Variants in CREB3L1 observed in about 807,000 individuals in gnomAD.
CREB3L1 encodes the protein cyclic AMP-responsive element-binding protein 3-like protein 1.
In CREB3L1, 33 loss-of-function variants were observed where a neutral mutation model predicts 54.5. The observed-to-expected ratio is 0.61, with a 90% CI of 0.46 to 0.81. The LOEUF is 0.81. Ranked by LOEUF, CREB3L1 falls within the 30% of genes least tolerant of loss-of-function variation. The pLI, the probability that CREB3L1 is intolerant of heterozygous loss-of-function variation, is 0.00. For missense variants in CREB3L1, 656 were observed against 673.3 expected (o/e 0.97, Z 0.29); for synonymous variants, 284 against 286.4 (o/e 0.99, Z 0.08).
chr11:46,277,942 G>T lies in CREB3L1; in HGVS notation c.-170G>T, dbSNP rs1405092897. The T allele has an allele frequency of 7.5e-6, 3 of 401,130 alleles. No homozygotes were observed. In the Admixed American group the frequency reaches 1.4e-4, roughly 18 times the overall value. The allele number at this position is 401,130 out of a possible 1,614,324, so 24.8% of individuals were successfully genotyped here. On this transcript the variant is annotated 5_prime_UTR_variant, in exon 1 of 12. Coordinates refer to ENST00000621158, the MANE Select transcript of CREB3L1 (RefSeq NM_052854.4). ...CTGCCCTAAGGCCCCCGCGCGCCCCGCGCCCCCCACCCGGGGCCGCGCCGC... is the reference window on the plus strand; with the variant it reads ...CTGCCCTAAGGCCCCCGCGCGCCCCTCGCCCCCCACCCGGGGCCGCGCCGC...
intron 1 of CREB3L1, among the ~76,000 whole-genome samples, chr11:46,280,190 G>GTTTTTT (rs1267979153): frequency 2.1e-5 from 2 of 93,706 alleles, no homozygotes. Context: ...TTTGTTTTTT[G>GTTTTTT]TTTTTTGTTT....
chr11:46,321,131 T>C lies in CREB3L1; in HGVS notation c.*385T>C. Reference sequence around the variant, plus strand: ...CTGTACAGAGACCAAGAACAGAAATTGTTTGTAAATAATGAACCTTATTTT... The same window carrying C: ...CTGTACAGAGACCAAGAACAGAAATCGTTTGTAAATAATGAACCTTATTTT... On this transcript the variant is annotated 3_prime_UTR_variant, in exon 12 of 12. Coordinates refer to ENST00000621158, the MANE Select transcript of CREB3L1 (RefSeq NM_052854.4). 1 of 434,242 alleles carries C rather than the reference T, an allele frequency of 2.3e-6. No individual in the cohort carries two copies. Among genetic ancestry groups the C allele is most frequent in the South Asian group, 2.9e-5 (1 of 34,724 alleles). The allele number at this position is 434,242 out of a possible 1,614,324, so 26.9% of individuals were successfully genotyped here.
chr11:46,311,089 G>C lies in CREB3L1; in HGVS notation c.653G>C (p.Gly218Ala). 1 of 1,609,386 alleles carries C rather than the reference G, an allele frequency of 6.2e-7. No individual in the cohort carries two copies. Among genetic ancestry groups the C allele is most frequent in the Non-Finnish European group, 8.5e-7 (1 of 1,178,916 alleles). ...AGCAGCCATGGCAGTGACAGCGACG[G>C]CTCCCAGAGTCCCCGCTCTCTGCCC... Reference protein sequence around the residue: ...PPSSHGSDSDGSQSPRSLPPS... With the variant: ...PPSSHGSDSDASQSPRSLPPS... Residue 218 changes from glycine to alanine, a missense_variant, in exon 5 of 12, where the codon GGC (glycine) becomes GCC (alanine). Around this residue, in one of 3 missense-constraint regions of CREB3L1, gnomAD observed 339 missense variants for 331.5 expected, o/e 1.02. Transcript: ENST00000621158.
intron 1 of CREB3L1, among the ~76,000 whole-genome samples, chr11:46,293,521 T>C (rs912194164): frequency 6.6e-6 from 1 of 152,184 alleles, no homozygotes; most frequent in Non-Finnish European, 1.5e-5. Context: ...CTGCAGAGAA[T>C]ACACACCCTC....
intron 5 of CREB3L1, among the ~76,000 whole-genome samples, chr11:46,311,734 G>C (rs1464372386): frequency 6.6e-6 from 1 of 152,118 alleles, no homozygotes; most frequent in Non-Finnish European, 1.5e-5. Context: ...TTGACCTCTT[G>C]ATCTGCCCAC....
At chr11:46,302,112 G>A (rs1426705671) in intron 2 of CREB3L1, among the ~76,000 whole-genome samples, 1 of 151,052 alleles carries the variant, frequency 6.6e-6, no homozygotes, top group African/African-American at 2.4e-5. Context: ...AGCTTGCAGT[G>A]AGCTGAGATT....
intron 5 of CREB3L1, among the ~76,000 whole-genome samples, chr11:46,312,015 G>A (rs991768388): frequency 2.6e-5 from 4 of 152,158 alleles, no homozygotes; most frequent in Admixed American, 6.5e-5. Flanking sequence ...AAGATTGTAG[G>A]GAGGGGTCTG....
intron 1 of CREB3L1, among the ~76,000 whole-genome samples, chr11:46,292,541 G>C (rs1265678061): frequency 6.6e-6 from 1 of 152,196 alleles, no homozygotes; most frequent in Non-Finnish European, 1.5e-5. Flanking sequence ...TCTATCCTAA[G>C]GGTAGTAGGG....
At chr11:46,282,672 T>C (rs1248240242) in intron 1 of CREB3L1, among the ~76,000 whole-genome samples, 1 of 152,214 alleles carries the variant, frequency 6.6e-6, no homozygotes, top group Non-Finnish European at 1.5e-5. Flanking sequence ...ACCCCCCTGT[T>C]CTTTTCTGTT....
At chr11:46,284,843 G>C (rs1381914348) in intron 1 of CREB3L1, among the ~76,000 whole-genome samples, 1 of 152,156 alleles carries the variant, frequency 6.6e-6, no homozygotes, top group Non-Finnish European at 1.5e-5. Context: ...CCCCTCTAGA[G>C]CAAGGAAAAT....
rs562881447 is a variant in CREB3L1, at chr11:46,298,623, C to T, written c.103-1312C>T. Among the ~76,000 whole-genome samples, 21 of 152,202 alleles carry T rather than the reference C, an allele frequency of 1.4e-4. No individual in the cohort carries two copies. The South Asian group carries it at 3.9e-3, about 29-fold the overall frequency. ...CTGAGGCATGCAAATCACTTGAACC[C>T]GGGAGATGGAGGTTGCAGTGAGCCA... On this transcript the variant is annotated intron_variant, in intron 1 of 11. Coordinates refer to ENST00000621158, the MANE Select transcript of CREB3L1 (RefSeq NM_052854.4).
At position 46,279,296 on chromosome 11, in the gene CREB3L1, G is replaced by T. The variant is rs141466819; in HGVS notation, c.102+1083G>T. Among the ~76,000 whole-genome samples, 20 of 152,192 alleles carry T rather than the reference G, an allele frequency of 1.3e-4. No homozygotes were observed. The East Asian group carries it at 3.9e-3, about 29-fold the overall frequency. On this transcript the variant is annotated intron_variant, in intron 1 of 11. Coordinates refer to ENST00000621158, the MANE Select transcript of CREB3L1 (RefSeq NM_052854.4). ...AGTCCTTAGAGGACTTGAGCATCTT[G>T]GACTTCCACCTAAACTGTCCCAGGC...
At chr11:46,294,821 C>A (rs1419458017) in intron 1 of CREB3L1, among the ~76,000 whole-genome samples, 1 of 151,732 alleles carries the variant, frequency 6.6e-6, no homozygotes, top group African/African-American at 2.4e-5. Flanking sequence ...AAGTAACCGT[C>A]CGGGAATGCA....
rs913681427 is a variant in CREB3L1, at chr11:46,278,558, G to A, written c.102+345G>A. ...CCAGGACCAGACTGGGCGCAAAGTG[G>A]CAGCGCCCTTTCCTGCGCCTCCCTT... On this transcript the variant is annotated intron_variant, in intron 1 of 11. Coordinates refer to ENST00000621158, the MANE Select transcript of CREB3L1 (RefSeq NM_052854.4). This position sits in a 1 kb window ranked among gnomAD's most constrained non-coding sequence, Gnocchi z 4.2. Among the ~76,000 whole-genome samples the A allele has an allele frequency of 1.3e-5, 2 of 152,250 alleles. No individual in the cohort carries two copies. The highest frequency in any genetic ancestry group is 1.5e-5 in the Non-Finnish European group (1 of 68,040).
intron 1 of CREB3L1, among the ~76,000 whole-genome samples, chr11:46,280,043 C>T (rs1202625042): frequency 6.6e-6 from 1 of 151,926 alleles, no homozygotes; most frequent in East Asian, 1.9e-4. Context: ...GGAGAGGCAG[C>T]GGGAGAAGAT....
chr11:46,278,205 A>G lies in CREB3L1; in HGVS notation c.94A>G (p.Asn32Asp). The G allele has an allele frequency of 6.4e-7, 1 of 1,564,248 alleles. No homozygotes were observed. The highest frequency in any genetic ancestry group is 8.7e-7 in the Non-Finnish European group (1 of 1,153,598). The change falls in exon 1 of 12, where the codon AAC becomes GAC. Residue 32 changes from asparagine (N) to aspartate (D), a missense_variant. Physicochemically the swap from Asn to Asp is conservative, Grantham distance 23. Transcript: ENST00000621158. The surrounding 1 kb of genome is among the most constrained non-coding windows in gnomAD (Gnocchi z 4.2). Reference sequence around the variant, plus strand: ...GGATCTGAACGAGTCGGACTTCCTCAACAATGCGGTAAGATGAAGGGTCTC... The same window carrying G: ...GGATCTGAACGAGTCGGACTTCCTCGACAATGCGGTAAGATGAAGGGTCTC... ...LGDLNESDFLNNAHFPEHLDH... is the reference protein window; with the variant it reads ...LGDLNESDFLDNAHFPEHLDH...
intron 8 of CREB3L1, 110 bp downstream of exon 8, chr11:46,313,029 T>C: frequency 2.5e-6 from 2 of 794,186 alleles, no homozygotes; most frequent in Non-Finnish European, 4.0e-6. Flanking sequence ...AAGTTTAGGA[T>C]GACAGGGACC....
At chr11:46,284,756 G>A (rs1939032707) in intron 1 of CREB3L1, among the ~76,000 whole-genome samples, 1 of 152,164 alleles carries the variant, frequency 6.6e-6, no homozygotes, top group Admixed American at 6.5e-5. Flanking sequence ...CTCAAGGGCA[G>A]GAGTCCTATG....
At chr11:46,286,224 C>T (rs1268153298) in intron 1 of CREB3L1, among the ~76,000 whole-genome samples, 1 of 151,948 alleles carries the variant, frequency 6.6e-6, no homozygotes, top group South Asian at 2.1e-4. Flanking sequence ...AGGGTGGGGA[C>T]GATAGAGGAA....
Sources: allele counts gnomAD v4.1 joint callset (sites outside exome capture counted in the v4.1 genomes callset), GRCh38; gene constraint gnomAD v4.1.1; regional missense constraint gnomAD v4.1.1; non-coding constraint Gnocchi (gnomAD v3.1); transcripts MANE v1.5; gene names NCBI Gene and HGNC (gene_info 2026-07-23, HGNC 2026-07-21).